The following CLMN variants were observed in gnomAD, a reference collection of about 807,000 sequenced individuals.
CLMN encodes the protein calmin (calponin-like, transmembrane).
Under a neutral mutation model 92.7 loss-of-function variants are expected in CLMN, and 57 were observed. The ratio of observed to expected loss-of-function variants is 0.61; its 90% CI spans 0.50 to 0.77. The LOEUF (loss-of-function observed/expected upper bound fraction) is 0.77, where lower values mean the gene tolerates loss of function less well. CLMN is among the 30% of genes least tolerant of loss of function. The pLI is 0.00. For missense variants in CLMN, 1,158 were observed against 1,237.5 expected (o/e 0.94, Z 0.96); for synonymous variants, 466 against 470.6 (o/e 0.99, Z 0.13).
chr14:95,233,801 T>C (rs1897964964), intron 1 of CLMN, among the ~76,000 whole-genome samples: 1 of 152,216 alleles, frequency 6.6e-6, no homozygotes, highest in South Asian at 2.1e-4. Flanking sequence ...TCTAACCCTG[T>C]CCTGATTCAG....
intron 1 of CLMN, among the ~76,000 whole-genome samples, chr14:95,293,003 A>G (rs1018194420): frequency 2.0e-5 from 3 of 152,210 alleles, no homozygotes; most frequent in African/African-American, 7.2e-5. Context: ...ATAGCCGTCC[A>G]TGGCCATGAG....
intron 1 of CLMN, among the ~76,000 whole-genome samples, chr14:95,289,383 C>T (rs1343279143): frequency 2.0e-5 from 3 of 151,706 alleles, no homozygotes; most frequent in Non-Finnish European, 4.4e-5. Context: ...GTCCCAGCTA[C>T]GTGGGAGGCT....
chr14:95,257,791 G>C (rs1374295393), intron 1 of CLMN, among the ~76,000 whole-genome samples: 1 of 152,220 alleles, frequency 6.6e-6, no homozygotes, highest in Non-Finnish European at 1.5e-5. Context: ...GACTGACTTA[G>C]AGGACGCAGG....
intron 4 of CLMN, among the ~76,000 whole-genome samples, chr14:95,216,386 T>C (rs1426798790): frequency 6.6e-6 from 1 of 152,206 alleles, no homozygotes; most frequent in Non-Finnish European, 1.5e-5. Context: ...AGCCAAACCA[T>C]ATCAGTAGGT....
chr14:95,308,362 A>G (rs1334993065), intron 1 of CLMN, among the ~76,000 whole-genome samples: 1 of 152,020 alleles, frequency 6.6e-6, no homozygotes, highest in Non-Finnish European at 1.5e-5. Flanking sequence ...AAGTAAGTCA[A>G]TTGTCCTCTC....
intron 1 of CLMN, among the ~76,000 whole-genome samples, chr14:95,273,338 G>A (rs920790201): frequency 9.9e-5 from 15 of 152,078 alleles, no homozygotes; most frequent in Non-Finnish European, 1.6e-4. Context: ...TCCACTACCC[G>A]CCCCACTCCA....
intron 1 of CLMN, among the ~76,000 whole-genome samples, chr14:95,254,168 C>T (rs1486943835): frequency 6.6e-6 from 1 of 152,164 alleles, no homozygotes; most frequent in African/African-American, 2.4e-5. Flanking sequence ...GCTGTCCTTT[C>T]TCACCCATCG....
chr14:95,310,332 T>C (rs1901480052), intron 1 of CLMN, among the ~76,000 whole-genome samples: 1 of 152,266 alleles, frequency 6.6e-6, no homozygotes, highest in Non-Finnish European at 1.5e-5. Flanking sequence ...GCAGCAGCAC[T>C]GCTCTCAACT....
rs1896401744 is a variant in CLMN, at chr14:95,184,742, A to T, written c.*6822T>A. ...TTTTGACCCACACCTGACCAAGCTC[A>T]CCCCATGCCCTGTCTCACACACAAT... On this transcript the variant is annotated 3_prime_UTR_variant, in exon 13 of 13. Coordinates refer to ENST00000298912, the MANE Select transcript of CLMN (RefSeq NM_024734.4). 6.6e-6 allele frequency: 1 copy of T among 152,166 alleles called. No homozygotes were observed. Among genetic ancestry groups the T allele is most frequent in the Non-Finnish European group, 1.5e-5 (1 of 68,050 alleles). 9.4% of individuals were successfully genotyped at this position (152,166 alleles called of 1,614,324 possible). A position where few individuals can be genotyped will look rare whatever the true frequency, so the allele number is the denominator to read the frequency against.
chr14:95,267,410 G>A (rs183619380), intron 1 of CLMN, among the ~76,000 whole-genome samples: 6 of 152,180 alleles, frequency 3.9e-5, no homozygotes, highest in Admixed American at 3.9e-4. Flanking sequence ...ACATACAAAC[G>A]GCCAACAGGC....
chr14:95,193,179 T>C (rs900966098), intron 12 of CLMN: 2 of 595,616 alleles, frequency 3.4e-6, no homozygotes, highest in African/African-American at 3.7e-5. Context: ...AGCAACTCTA[T>C]GACTTCAACA....
chr14:95,231,892 GATTA>G (rs1389629283), intron 1 of CLMN, among the ~76,000 whole-genome samples: 1 of 152,198 alleles, frequency 6.6e-6, no homozygotes, highest in Non-Finnish European at 1.5e-5. Context: ...AATTTACATG[GATTA>G]ACTAATTTAA....
Position 95,203,351 on chromosome 14 carries a change from G to C in CLMN, c.1998C>G (p.Thr666=), listed in dbSNP as rs1474747703. 6.2e-7 allele frequency: 1 copy of C among 1,614,000 alleles called. No homozygotes were observed. The highest frequency in any genetic ancestry group is 8.5e-7 in the Non-Finnish European group (1 of 1,179,976). ...CTCCCTCTTCCTCATAATGAGGACG[G>C]GTGGACTTTCTCTTGGCCTTTTCAT... is the stretch of plus-strand genomic sequence containing the variant. ...EVHEKAKRKS[T]RPHYEEEGED... Residue 666 remains threonine, a synonymous_variant, in exon 9 of 13, where the codon ACC becomes ACG. Coordinates refer to ENST00000298912, the MANE Select transcript of CLMN (RefSeq NM_024734.4).
At chr14:95,221,808 A>AAACCCGCACAGGCACTTCCCAC in intron 3 of CLMN, 34 bp from the exon 4 acceptor site, 1 of 1,595,134 alleles carries the variant, frequency 6.3e-7, no homozygotes, top group East Asian at 2.2e-5. Flanking sequence ...CAAGCACATT[A>AAACCCGCACAGGCACTTCCCAC]AACCCGCACA....
chr14:95,275,639 G>A (rs1278364542), intron 1 of CLMN, among the ~76,000 whole-genome samples: 4 of 152,124 alleles, frequency 2.6e-5, no homozygotes, highest in African/African-American at 9.7e-5. Flanking sequence ...GGACCACACT[G>A]CCTATTGGAG....
intron 6 of CLMN, among the ~76,000 whole-genome samples, chr14:95,212,768 G>A (rs1897232912): frequency 6.6e-6 from 1 of 150,698 alleles, no homozygotes. Context: ...AAAATGCAGG[G>A]TTTCCTGTTC....
Position 95,294,603 on chromosome 14 carries a change from G to A in CLMN, c.82+25108C>T, listed in dbSNP as rs528481704. On this transcript the variant is annotated intron_variant, in intron 1 of 12. Transcript: ENST00000298912. This position sits in a 1 kb window ranked among gnomAD's most constrained non-coding sequence, Gnocchi z 4.2. ...TCCTGGTCTCTACCTTGTAGAAAAG[G>A]GCACTTATTTTCAGGTGTGATGGTG... Among the ~76,000 whole-genome samples the A allele has an allele frequency of 3.3e-5, 5 of 152,270 alleles. No homozygotes were observed. Among genetic ancestry groups the A allele is most frequent in the African/African-American group, 1.2e-4 (5 of 41,560 alleles).
chr14:95,262,222 G>A (rs1899285951), intron 1 of CLMN, among the ~76,000 whole-genome samples: 1 of 152,204 alleles, frequency 6.6e-6, no homozygotes, highest in Admixed American at 6.5e-5. Context: ...CTGAGCTGAT[G>A]TTTTCTCAGA....
intron 1 of CLMN, among the ~76,000 whole-genome samples, chr14:95,273,512 T>C (rs1027154212): frequency 4.6e-5 from 7 of 152,158 alleles, no homozygotes; most frequent in Non-Finnish European, 1.0e-4. Context: ...CTGTGGCTGG[T>C]TCACCCCTAA....
Sources: allele counts gnomAD v4.1 joint callset (sites outside exome capture counted in the v4.1 genomes callset), GRCh38; gene constraint gnomAD v4.1.1; non-coding constraint Gnocchi (gnomAD v3.1); transcripts MANE v1.5; gene names NCBI Gene and HGNC (gene_info 2026-07-23, HGNC 2026-07-21).